Variants in ECPAS observed in about 807,000 individuals in gnomAD.
ECPAS encodes the protein proteasome adapter and scaffold protein ECM29.
In ECPAS, 70 loss-of-function variants were observed where a neutral mutation model predicts 255.1. The observed-to-expected ratio is 0.27, with a 90% CI of 0.23 to 0.33. The LOEUF (loss-of-function observed/expected upper bound fraction) is 0.33. Among genes scored for constraint, ECPAS ranks in the 10% least tolerant of loss-of-function variants. The pLI is 1.00. For missense variants in ECPAS, 1,817 were observed against 2,206.4 expected, an observed-to-expected ratio of 0.82 and a Z score of 3.54; for synonymous variants, 784 against 775.0, an observed-to-expected ratio of 1.01 and a Z score of -0.19.
chr9:111,422,920 A>G (rs2098216261), intron 13 of ECPAS, among the ~76,000 whole-genome samples: 1 of 152,234 alleles, frequency 6.6e-6, no homozygotes, highest in South Asian at 2.1e-4. Flanking sequence ...GTCAATCAAA[A>G]GTCTCTAGGG....
At position 111,366,537 on chromosome 9, in the gene ECPAS, T is replaced by G. The variant is rs2098120534; in HGVS notation, c.5204A>C (p.Asn1735Thr). 2 of 1,612,264 alleles carry G rather than the reference T, an allele frequency of 1.2e-6. No individual in the cohort carries two copies. Among genetic ancestry groups the G allele is most frequent in the Non-Finnish European group, 8.5e-7 (1 of 1,178,678 alleles). The change falls in exon 47 of 50, where the codon AAT becomes ACT. Residue 1735 changes from asparagine (N) to threonine (T), a missense_variant. Asn to Thr is a moderately conservative substitution (Grantham distance 65). This residue lies in a region of ECPAS where 960 missense variants were observed against 1,179.0 expected (regional missense o/e 0.81). Coordinates refer to ENST00000684092, the MANE Select transcript of ECPAS (RefSeq NM_001364929.1). ...KVQLGVLQSMNAFFQGLMLLE... is the reference protein window; with the variant it reads ...KVQLGVLQSMTAFFQGLMLLE... ...AGCAATTTACCCCTGAAAAAAGGCA[T>G]TCATTGATTGCAGGACTCCTAGCTG...
chr9:111,391,668 C>G, intron 29 of ECPAS, 88 bp downstream of exon 29: 1 of 807,568 alleles, frequency 1.2e-6, no homozygotes, highest in East Asian at 2.7e-5. Context: ...GGGTAGAAAT[C>G]AACTTCATGA....
In ECPAS at chr9:111,394,286, C is replaced by T. The variant is rs763715582; in HGVS notation, c.2796G>A (p.Val932=). 1.9e-6 allele frequency: 3 copies of T among 1,543,260 alleles called. No homozygotes were observed. The highest frequency in any genetic ancestry group is 2.0e-5 in the Admixed American group (1 of 50,694). The part of the protein sequence containing the change: ...TPPAGAKVND[V]VPWVLDVILN... ...AAATCACATCCAACACCCATGGAAC[C>T]ACATCATTCACTTTGGCTCCTGGGG... Residue 932 remains valine, a synonymous_variant, in exon 26 of 50, where the codon GTG becomes GTA. Coordinates refer to ENST00000684092, the MANE Select transcript of ECPAS (RefSeq NM_001364929.1).
At chr9:111,454,379 T>C (rs1010984118) in intron 2 of ECPAS, among the ~76,000 whole-genome samples, 4 of 152,178 alleles carry the variant, frequency 2.6e-5, no homozygotes, top group African/African-American at 9.7e-5. Context: ...TGCAATCATT[T>C]GGATGCTTCT....
Position 111,407,403 on chromosome 9 carries a change from G to GAAAAAA in ECPAS, c.2652+1162_2652+1167dup, listed in dbSNP as rs1161790026. Among the ~76,000 whole-genome samples, 52 of 12,072 alleles carry GAAAAAA rather than the reference G, an allele frequency of 4.3e-3. 7 individuals are homozygous for GAAAAAA. Among genetic ancestry groups the GAAAAAA allele is most frequent in the South Asian group, 0.011 (3 of 276 alleles). The allele number at this position is 12,072 out of a possible 152,430, so 7.9% of individuals were successfully genotyped here. On this transcript the variant is annotated intron_variant, in intron 24 of 49. Coordinates refer to ENST00000684092, the MANE Select transcript of ECPAS (RefSeq NM_001364929.1). Reference sequence around the variant, plus strand: ...GGAGACAGAGCAAAACTCCATCTCAGAAAAAAAAAAAAAAAAAAAAAAAAA... The same window carrying GAAAAAA: ...GGAGACAGAGCAAAACTCCATCTCAGAAAAAAAAAAAAAAAAAAAAAAAAAAAAAAA...
Position 111,373,988 on chromosome 9 carries a change from G to A in ECPAS, c.4161C>T (p.Asp1387=), listed in dbSNP as rs1205322437. The A allele has an allele frequency of 1.9e-6, 3 of 1,613,072 alleles. No homozygotes were observed. The highest frequency in any genetic ancestry group is 1.7e-6 in the Non-Finnish European group (2 of 1,179,118). ...CAAACTCACCTGAGTAAGGTGTTAGGTCCTGAGGACACTGAGTAGTTAATG... is the reference window on the plus strand; with the variant it reads ...CAAACTCACCTGAGTAAGGTGTTAGATCCTGAGGACACTGAGTAGTTAATG... The part of the protein sequence containing the change: ...IVSLTTQCPQ[D]LTPYSGKLMS... Residue 1387 remains aspartate, a synonymous_variant, in exon 39 of 50, where the codon GAC becomes GAT. Transcript: ENST00000684092.
At chr9:111,374,872 C>T (rs1304860065) in intron 38 of ECPAS, among the ~76,000 whole-genome samples, 1 of 152,110 alleles carries the variant, frequency 6.6e-6, no homozygotes, top group African/African-American at 2.4e-5. Flanking sequence ...GGTATGTACA[C>T]GGCAACCAGA....
At chr9:111,440,627 G>C in intron 5 of ECPAS, 106 bp from the exon 6 acceptor site, 1 of 788,784 alleles carries the variant, frequency 1.3e-6, no homozygotes, top group East Asian at 2.7e-5. Context: ...GCAGTTTTAA[G>C]CAAGAGACAT....
chr9:111,448,660 A>G (rs1405224935), intron 3 of ECPAS, among the ~76,000 whole-genome samples: 1 of 152,240 alleles, frequency 6.6e-6, no homozygotes, highest in Non-Finnish European at 1.5e-5. Context: ...ATATTCCACA[A>G]ACAGGAAGTA....
chr9:111,470,464 C>A (rs2098285924), intron 2 of ECPAS, among the ~76,000 whole-genome samples: 1 of 152,126 alleles, frequency 6.6e-6, no homozygotes. Context: ...GCATGTGCCA[C>A]GACACCCAGC....
intron 6 of ECPAS, among the ~76,000 whole-genome samples, chr9:111,438,507 C>G (rs1488140400): frequency 2.0e-5 from 3 of 152,128 alleles, no homozygotes; most frequent in Non-Finnish European, 4.4e-5. Flanking sequence ...ACTCAGAAGG[C>G]TGAGGTGAGA....
intron 4 of ECPAS, 66 bp from the exon 5 acceptor site, chr9:111,442,490 T>C (rs1476279695): frequency 2.0e-6 from 2 of 981,684 alleles, no homozygotes; most frequent in African/African-American, 1.6e-5. Context: ...TGAAAATATA[T>C]GATTGATAAC....
rs744324 is a variant in ECPAS, at chr9:111,430,765, T to C, written c.849-137A>G. On this transcript the variant is annotated intron_variant, in intron 8 of 49. Coordinates refer to ENST00000684092, the MANE Select transcript of ECPAS (RefSeq NM_001364929.1). The stretch of plus-strand genomic sequence containing the variant: ...CAAATGAAATGGGCAATTGACATTG[T>C]AGAAGAGAAGGAAAAGAAAGGGACT... 0.078 allele frequency: 52,239 copies of C among 672,016 alleles called. 2,719 individuals carry two copies. Among genetic ancestry groups the C allele is most frequent in the East Asian group, 0.2 (7,049 of 35,956 alleles). The allele number at this position is 672,016 out of a possible 1,614,324, so 41.6% of individuals were successfully genotyped here.
rs768261973 is a variant in ECPAS at position 111,416,296 on chromosome 9, T to C, written c.1740A>G (p.Pro580=). ...CCTCTCCAAAGGCTGCTGGGTTAAA[T>C]GGAAGGACAGTGGTCCCGGTCATGT... is the stretch of plus-strand genomic sequence containing the variant. The part of the protein sequence containing the change: ...VKYMTGTTVL[P]FNPAAFGEIV... Residue 580 remains proline (P), a synonymous_variant, in exon 18 of 50, where the codon CCA becomes CCG. Coordinates refer to ENST00000684092, the MANE Select transcript of ECPAS (RefSeq NM_001364929.1). 84 of 1,613,508 alleles carry C rather than the reference T, an allele frequency of 5.2e-5. No homozygotes were observed. In the South Asian group the frequency reaches 8.3e-4, roughly 16 times the overall value.
chr9:111,427,006 T>C (rs951338898), intron 10 of ECPAS, among the ~76,000 whole-genome samples: 12 of 151,950 alleles, frequency 7.9e-5, no homozygotes, highest in Non-Finnish European at 1.6e-4. Context: ...GGACAAAATA[T>C]AATCAAGTGC....
At chr9:111,437,354 G>C (rs985577874) in intron 6 of ECPAS, among the ~76,000 whole-genome samples, 9 of 152,108 alleles carry the variant, frequency 5.9e-5, no homozygotes, top group African/African-American at 2.2e-4. Flanking sequence ...TACCAACAAT[G>C]AATATAAATA....
intron 1 of ECPAS, among the ~76,000 whole-genome samples, chr9:111,475,792 A>G (rs915945489): frequency 2.6e-5 from 4 of 152,128 alleles, no homozygotes; most frequent in Non-Finnish European, 5.9e-5. Context: ...ATGGAAATTA[A>G]TAAAAAATAG....
intron 2 of ECPAS, among the ~76,000 whole-genome samples, chr9:111,457,195 T>C (rs904618993): frequency 1.3e-5 from 2 of 152,080 alleles, no homozygotes; most frequent in African/African-American, 4.8e-5. Context: ...AAAAGCAGAC[T>C]GTACAGGGTA....
chr9:111,477,514 G>C (rs754450576), intron 1 of ECPAS, among the ~76,000 whole-genome samples: 2 of 151,946 alleles, frequency 1.3e-5, no homozygotes, highest in African/African-American at 2.4e-5. Context: ...CTGGATACTA[G>C]TTAGACACAC....
Sources: allele counts gnomAD v4.1 joint callset (sites outside exome capture counted in the v4.1 genomes callset), GRCh38; gene constraint gnomAD v4.1.1; regional missense constraint gnomAD v4.1.1; transcripts MANE v1.5; gene names NCBI Gene and HGNC (gene_info 2026-07-23, HGNC 2026-07-21).